Variants in TG observed in about 807,000 individuals in gnomAD.
TG encodes thyroid hormones.
TG carries 270 observed loss-of-function variants against 324.7 expected under a neutral mutation model. The ratio of observed to expected loss-of-function variants is 0.83; its 90% confidence interval spans 0.75 to 0.92. The LOEUF is 0.92. TG is among the 40% of genes least tolerant of loss of function. The pLI is 0.00. For missense variants in TG, 3,591 were observed against 3,456.4 expected, an observed-to-expected ratio of 1.04 and a Z score of -0.98; for synonymous variants, 1,401 against 1,327.0, an observed-to-expected ratio of 1.06 and a Z score of -1.21.
intron 7 of TG, 95 bp from the exon 8 acceptor site, chr8:132,882,719 G>GA (rs1181208480): frequency 1.2e-6 from 2 of 1,611,988 alleles, no homozygotes; most frequent in East Asian, 4.5e-5. Context: ...TGAGGGCAGA[G>GA]ATGAAAAGAA....
At chr8:133,013,499 A>T in intron 36 of TG, 101 bp from the exon 37 acceptor site, 1 of 1,403,404 alleles carries the variant, frequency 7.1e-7, no homozygotes, top group Non-Finnish European at 1.0e-6. Flanking sequence ...GGATGGATGG[A>T]AGGGTGGATG....
At position 132,888,324 on chromosome 8, in the gene TG, C is replaced by T. The variant is rs770395012; in HGVS notation, c.2517C>T (p.Tyr839=). Residue 839 remains tyrosine, a synonymous_variant, in exon 10 of 48, where the codon TAC becomes TAT. Coordinates refer to ENST00000220616, the MANE Select transcript of TG (RefSeq NM_003235.5). ...QQDVFPVLSQ[Y]PSLQDVPLAA... is the part of the protein sequence containing the mutation. ...ATGTCTTCCCGGTGCTGTCACAATACCCTTCTCTGCAAGATGTCCCACTAG... is the reference window on the plus strand; with the variant it reads ...ATGTCTTCCCGGTGCTGTCACAATATCCTTCTCTGCAAGATGTCCCACTAG... 1.2e-5 allele frequency: 20 copies of T among 1,614,078 alleles called. No individual in the cohort carries two copies. The highest frequency in any genetic ancestry group is 1.4e-5 in the Non-Finnish European group (16 of 1,180,048).
intron 41 of TG, among the ~76,000 whole-genome samples, chr8:133,068,878 C>T (rs1282468379): frequency 6.6e-6 from 1 of 152,280 alleles, no homozygotes; most frequent in African/African-American, 2.4e-5. Context: ...CAGCCTGTGG[C>T]TCTGTTGGAC....
intron 41 of TG, chr8:133,075,161 T>C (rs1844666567): frequency 1.0e-6 from 1 of 981,696 alleles, no homozygotes; most frequent in East Asian, 1.1e-4. Context: ...TTAATTTTTT[T>C]ACAAAGCATT....
At chr8:133,077,952 A>G (rs901815099) in intron 41 of TG, among the ~76,000 whole-genome samples, 25 of 152,200 alleles carry the variant, frequency 1.6e-4, no homozygotes, top group African/African-American at 6.0e-4. Context: ...CCCAGTTGAG[A>G]ACCACTGGAT....
intron 25 of TG, among the ~76,000 whole-genome samples, chr8:132,937,929 T>G (rs1823845479): frequency 6.6e-6 from 1 of 152,204 alleles, no homozygotes; most frequent in Non-Finnish European, 1.5e-5. Flanking sequence ...TTTTTTGGTT[T>G]GTTTTCCTTT....
At chr8:133,113,735 C>T in intron 44 of TG, 132 bp downstream of exon 44, 1 of 1,048,652 alleles carries the variant, frequency 9.5e-7, no homozygotes, top group South Asian at 1.5e-5. Flanking sequence ...ATCATTCATT[C>T]AGCCTACAGC....
intron 43 of TG, among the ~76,000 whole-genome samples, chr8:133,111,317 C>T (rs987836644): frequency 4.6e-5 from 7 of 152,182 alleles, no homozygotes; most frequent in Admixed American, 2.6e-4. Context: ...TTCTCTCAGC[C>T]TCAGAATTAT....
At chr8:132,876,436 T>C (rs1813809763) in intron 5 of TG, among the ~76,000 whole-genome samples, 1 of 152,168 alleles carries the variant, frequency 6.6e-6, no homozygotes, top group Non-Finnish European at 1.5e-5. Context: ...AGGGGATTTT[T>C]TTTGAAAATT....
intron 41 of TG, chr8:133,060,183 G>A (rs759925505): frequency 1.6e-5 from 25 of 1,612,736 alleles, no homozygotes; most frequent in East Asian, 6.7e-5. Context: ...CCCTGGGGCC[G>A]CTGGTGATGC....
In TG at chr8:132,886,897, T is replaced by C. The variant is rs956503916; in HGVS notation, c.1525T>C (p.Phe509Leu). Residue 509 changes from phenylalanine (F) to leucine (L), a missense_variant, in exon 9 of 48, where the codon TTC (phenylalanine) becomes CTC (leucine). Physicochemically the swap from Phe to Leu is conservative, Grantham distance 22. Coordinates refer to ENST00000220616, the MANE Select transcript of TG (RefSeq NM_003235.5). ...QFFQQLGLAS[F>L]LNGGRQEDLA... is the part of the protein sequence containing the mutation. Reference sequence around the variant, plus strand: ...TTTCCAGCAACTTGGTCTTGCAAGCTTCTTGAATGGAGGGAGACAAGAAGA... The same window carrying C: ...TTTCCAGCAACTTGGTCTTGCAAGCCTCTTGAATGGAGGGAGACAAGAAGA... 1 of 1,614,198 alleles carries C rather than the reference T, an allele frequency of 6.2e-7. No individual in the cohort carries two copies. Among genetic ancestry groups the C allele is most frequent in the Admixed American group, 1.7e-5 (1 of 60,020 alleles).
At chr8:132,920,680 G>A (rs1470292012) in intron 21 of TG, among the ~76,000 whole-genome samples, 3 of 152,212 alleles carry the variant, frequency 2.0e-5, no homozygotes, top group South Asian at 2.1e-4. Context: ...TGTTTATGGA[G>A]GGGATATGAC....
intron 35 of TG, 41 bp downstream of exon 35, chr8:132,983,453 C>T (rs1292847679): frequency 5.8e-6 from 9 of 1,554,664 alleles, no homozygotes; most frequent in Non-Finnish European, 8.0e-6. Context: ...GAGAGTACCC[C>T]CTCATTCATC....
At chr8:133,014,784 C>T (rs1286015356) in intron 37 of TG, among the ~76,000 whole-genome samples, 1 of 152,228 alleles carries the variant, frequency 6.6e-6, no homozygotes, top group African/African-American at 2.4e-5. Context: ...AGAGTGTCTT[C>T]CAGACCTGAG....
At chr8:133,122,435 C>T (rs569134185) in intron 45 of TG, among the ~76,000 whole-genome samples, 31 of 152,292 alleles carry the variant, frequency 2.0e-4, no homozygotes, top group East Asian at 1.5e-3. Context: ...ATTACTTCCC[C>T]GTCCCTGAGC....
intron 43 of TG, among the ~76,000 whole-genome samples, chr8:133,105,884 C>T (rs962215095): frequency 6.6e-5 from 10 of 152,076 alleles, no homozygotes; most frequent in African/African-American, 2.4e-4. Context: ...TACTGGTGGA[C>T]CTCTGCAAGG....
At chr8:132,953,426 A>G (rs1204522225) in intron 27 of TG, among the ~76,000 whole-genome samples, 1 of 152,180 alleles carries the variant, frequency 6.6e-6, no homozygotes, top group East Asian at 1.9e-4. Flanking sequence ...AGATACAGAG[A>G]TTATTAAATA....
intron 8 of TG, among the ~76,000 whole-genome samples, chr8:132,884,755 C>T (rs1461601125): frequency 1.3e-5 from 2 of 152,138 alleles, no homozygotes; most frequent in African/African-American, 4.8e-5. Context: ...ATAGATAGAT[C>T]ATATATTTTC....
chr8:132,896,015 G>T (rs936833290), intron 11 of TG, among the ~76,000 whole-genome samples: 13 of 152,258 alleles, frequency 8.5e-5, no homozygotes, highest in African/African-American at 3.1e-4. Context: ...AGGGCCCAGA[G>T]CGAAGTGCCT....
Sources: gnomAD v4.1 joint callset for allele counts (sites outside exome capture counted in the v4.1 genomes callset) on GRCh38, gnomAD v4.1.1 for gene constraint, MANE v1.5 for transcripts, NCBI Gene and HGNC (gene_info 2026-07-23, HGNC 2026-07-21) for gene names.